CDH13: variants seen among roughly 807,000 people sequenced by gnomAD.
CDH13 encodes cadherin 13, also known as cadherin-13.
A neutral mutation model predicts 63.8 loss-of-function variants in CDH13; 24 were observed. The ratio of observed to expected loss-of-function variants is 0.38; its 90% CI spans 0.27 to 0.53. The LOEUF (loss-of-function observed/expected upper bound fraction) is 0.53, where lower values mean the gene tolerates loss of function less well. Among genes scored for constraint, CDH13 ranks in the 20% least tolerant of loss-of-function variants. The pLI, the probability that CDH13 is intolerant of heterozygous loss-of-function variation, is 0.85. For missense variants in CDH13, 1,049 were observed against 903.1 expected (o/e 1.16, Z -2.07); for synonymous variants, 503 against 355.3 (o/e 1.42, Z -4.67).
At chr16:83,386,872 A>AT (rs1399684901) in intron 6 of CDH13, among the ~76,000 whole-genome samples, 1 of 152,162 alleles carries the variant, frequency 6.6e-6, no homozygotes, top group Non-Finnish European at 1.5e-5. Context: ...TCACTTCTGT[A>AT]TTTAAGGAAG....
chr16:83,105,555 A>C (rs1333314146), intron 3 of CDH13, among the ~76,000 whole-genome samples: 2 of 152,180 alleles, frequency 1.3e-5, no homozygotes, highest in African/African-American at 2.4e-5. Context: ...CTCTGGGGCC[A>C]CCCTCAGGAA....
chr16:83,481,619 G>T (rs547326512), intron 6 of CDH13, among the ~76,000 whole-genome samples: 1 of 152,198 alleles, frequency 6.6e-6, no homozygotes, highest in Non-Finnish European at 1.5e-5. Flanking sequence ...GCTGGCGGCC[G>T]TGTCCTTCGG....
chr16:82,671,981 A>G (rs1913302738), intron 1 of CDH13, among the ~76,000 whole-genome samples: 1 of 152,102 alleles, frequency 6.6e-6, no homozygotes, highest in South Asian at 2.1e-4. Flanking sequence ...TTGCCCTGAG[A>G]CTATCACCTG....
In CDH13 at chr16:83,499,544, A is replaced by AT. The variant is rs537581570; in HGVS notation, c.960+12890dup. On this transcript the variant is annotated intron_variant, in intron 7 of 13. Coordinates refer to ENST00000567109, the MANE Select transcript of CDH13 (RefSeq NM_001257.5). ...GCATGTCATAAAACATTCTTCTCTC[A>AT]TATCATTGTTAATGCTCCCTGAGAA... Among the ~76,000 whole-genome samples, 210 of 152,366 alleles carry AT rather than the reference A, an allele frequency of 1.4e-3. 5 individuals are homozygous for AT. In the South Asian group the frequency reaches 0.04, roughly 29 times the overall value.
chr16:83,696,676 G>A (rs1445030619), intron 10 of CDH13, among the ~76,000 whole-genome samples: 3 of 152,182 alleles, frequency 2.0e-5, no homozygotes. Context: ...GTAAAACACA[G>A]CAACTGGCCT....
chr16:83,788,881 G>C (rs1002806208), intron 13 of CDH13, among the ~76,000 whole-genome samples: 2 of 152,028 alleles, frequency 1.3e-5, no homozygotes, highest in African/African-American at 4.8e-5. Context: ...AAAGTATTCA[G>C]TTGACACTCC....
rs564812053 is a variant in CDH13 at position 83,488,266 on chromosome 16, C to T, written c.960+1611C>T. ...TTCTACTGGGCAACAATGGCCTAGA[C>T]TGTATGTTTCCTGACAACAGAGACT... On this transcript the variant is annotated intron_variant, in intron 7 of 13. Coordinates refer to ENST00000567109, the MANE Select transcript of CDH13 (RefSeq NM_001257.5). 5.9e-5 allele frequency among the ~76,000 whole-genome samples: 9 copies of T among 152,300 alleles called. No individual in the cohort carries two copies. In the South Asian group the frequency reaches 1.9e-3, roughly 32 times the overall value.
intron 1 of CDH13, among the ~76,000 whole-genome samples, chr16:82,683,641 C>T (rs1326923356): frequency 2.0e-5 from 3 of 152,162 alleles, no homozygotes; most frequent in Admixed American, 2.0e-4. Context: ...TTGAGGAATG[C>T]ATCCATTATT....
At position 82,927,129 on chromosome 16, in the gene CDH13, C is replaced by G. The variant is rs77326721; in HGVS notation, c.157+68656C>G. ...ATCCACACATGGCCTCTCCACGTGG[C>G]TGCTTGGGCTTCCTCACAGGATGGT... On this transcript the variant is annotated intron_variant, in intron 2 of 13. Transcript: ENST00000567109. 8.1e-3 allele frequency among the ~76,000 whole-genome samples: 1,236 copies of G among 152,204 alleles called. 18 individuals are homozygous for G. The highest frequency in any genetic ancestry group is 0.029 in the African/African-American group (1,193 of 41,538).
chr16:82,761,017 C>CTTCTTTTTTTTTTT (rs2034820209), intron 1 of CDH13, among the ~76,000 whole-genome samples: 2 of 40,452 alleles, frequency 4.9e-5, no homozygotes, highest in East Asian at 1.3e-3. Context: ...TTCTTTCTTT[C>CTTCTTTTTTTTTTT]TTTTTTTTTT....
intron 1 of CDH13, among the ~76,000 whole-genome samples, chr16:82,691,137 G>C (rs1915606011): frequency 6.6e-6 from 1 of 152,210 alleles, no homozygotes; most frequent in Admixed American, 6.5e-5. Flanking sequence ...ATAACAATCA[G>C]CCAAATGAAC....
At chr16:82,698,642 C>T (rs886208410) in intron 1 of CDH13, among the ~76,000 whole-genome samples, 1 of 152,196 alleles carries the variant, frequency 6.6e-6, no homozygotes, top group Non-Finnish European at 1.5e-5. Flanking sequence ...ATTTTCAAGC[C>T]TGTTCAGCAA....
At chr16:83,290,522 C>G (rs998641223) in intron 5 of CDH13, among the ~76,000 whole-genome samples, 1 of 152,126 alleles carries the variant, frequency 6.6e-6, no homozygotes, top group South Asian at 2.1e-4. Flanking sequence ...CTTTGCCTTC[C>G]ACGGTGATTG....
At chr16:82,822,346 T>C (rs2038042023) in intron 1 of CDH13, among the ~76,000 whole-genome samples, 1 of 152,198 alleles carries the variant, frequency 6.6e-6, no homozygotes, top group South Asian at 2.1e-4. Flanking sequence ...TGTTCGGATA[T>C]ATTTTTAAGG....
Position 82,644,355 on chromosome 16 carries a change from G to A in CDH13, c.45+17218G>A, listed in dbSNP as rs909444200. 2.0e-5 allele frequency among the ~76,000 whole-genome samples: 3 copies of A among 151,946 alleles called. No individual in the cohort carries two copies. Among genetic ancestry groups the A allele is most frequent in the Non-Finnish European group, 4.4e-5 (3 of 67,998 alleles). On this transcript the variant is annotated intron_variant, in intron 1 of 13. Transcript: ENST00000567109. The surrounding 1 kb of genome is among the most constrained non-coding windows in gnomAD (Gnocchi z 5.7). ...CCCTGCCTTCTGCGTCTCCCTCTGT[G>A]CTCTCCATCACCCCCCTACGGAGTT...
At chr16:82,700,109 G>GATCA (rs2030801750) in intron 1 of CDH13, among the ~76,000 whole-genome samples, 1 of 152,186 alleles carries the variant, frequency 6.6e-6, no homozygotes, top group African/African-American at 2.4e-5. Context: ...GCTGAGAAGG[G>GATCA]TTATAGCATC....
chr16:83,147,784 T>C (rs2036813118), intron 4 of CDH13, among the ~76,000 whole-genome samples: 1 of 152,136 alleles, frequency 6.6e-6, no homozygotes, highest in African/African-American at 2.4e-5. Context: ...CACTGGTCTC[T>C]GGGGTCACAG....
chr16:82,827,082 A>G (rs999968350), intron 1 of CDH13, among the ~76,000 whole-genome samples: 5 of 152,216 alleles, frequency 3.3e-5, no homozygotes, highest in African/African-American at 4.8e-5. Context: ...CATTTGGCCC[A>G]TATCTTAATT....
At chr16:83,579,100 G>T (rs1905301128) in intron 7 of CDH13, among the ~76,000 whole-genome samples, 1 of 152,180 alleles carries the variant, frequency 6.6e-6, no homozygotes, top group African/African-American at 2.4e-5. Context: ...CACAGAGAAA[G>T]TTGTCATTTG....
Sources: allele counts gnomAD v4.1 joint callset (sites outside exome capture counted in the v4.1 genomes callset), GRCh38; gene constraint gnomAD v4.1.1; non-coding constraint Gnocchi (gnomAD v3.1); transcripts MANE v1.5; gene names NCBI Gene and HGNC (gene_info 2026-07-23, HGNC 2026-07-21).